Variants in HS3ST4 observed in about 807,000 individuals in gnomAD.
HS3ST4 encodes heparan sulfate-glucosamine 3-sulfotransferase 4, also known as heparan sulfate glucosamine 3-O-sulfotransferase 4.
A neutral mutation model predicts 29.2 loss-of-function variants in HS3ST4; 17 were observed. The observed-to-expected ratio is 0.58, with a 90% CI of 0.40 to 0.87. The LOEUF is 0.87. Among genes scored for constraint, HS3ST4 ranks in the 40% least tolerant of loss-of-function variants. The pLI, the probability that HS3ST4 is intolerant of heterozygous loss-of-function variation, is 0.00. For missense variants in HS3ST4, 627 were observed against 634.5 expected, an observed-to-expected ratio of 0.99 and a Z score of 0.13; for synonymous variants, 314 against 285.7, an observed-to-expected ratio of 1.10 and a Z score of -1.00.
intron 1 of HS3ST4, among the ~76,000 whole-genome samples, chr16:25,832,051 G>A (rs1293334127): frequency 1.3e-5 from 2 of 152,066 alleles, no homozygotes; most frequent in African/African-American, 4.8e-5. Context: ...AGGCTGCAGT[G>A]AACCATGATG....
At chr16:25,746,737 G>A (rs968599408) in intron 1 of HS3ST4, among the ~76,000 whole-genome samples, 2 of 151,766 alleles carry the variant, frequency 1.3e-5, no homozygotes, top group African/African-American at 2.4e-5. Context: ...ATCTTTAGTA[G>A]AGACGGGGTT....
intron 1 of HS3ST4, among the ~76,000 whole-genome samples, chr16:26,106,879 G>T (rs1167895522): frequency 6.6e-6 from 1 of 152,164 alleles, no homozygotes; most frequent in Non-Finnish European, 1.5e-5. Flanking sequence ...GTCATGCCCT[G>T]TGGGCAAGGG....
At chr16:25,752,542 A>G (rs1157505656) in intron 1 of HS3ST4, among the ~76,000 whole-genome samples, 2 of 152,248 alleles carry the variant, frequency 1.3e-5, no homozygotes, top group Non-Finnish European at 2.9e-5. Flanking sequence ...GCATTGCTGC[A>G]TTGCTGGCTT....
chr16:26,132,119 T>C (rs1899428664), intron 1 of HS3ST4, among the ~76,000 whole-genome samples: 1 of 152,178 alleles, frequency 6.6e-6, no homozygotes, highest in South Asian at 2.1e-4. Context: ...GGAGCTAGAC[T>C]GGTAGCTTAG....
chr16:26,125,948 A>C (rs1047671477), intron 1 of HS3ST4, among the ~76,000 whole-genome samples: 1 of 152,216 alleles, frequency 6.6e-6, no homozygotes, highest in Non-Finnish European at 1.5e-5. Context: ...GTATTTTGCT[A>C]GTTATCTTCT....
rs542274531 is a variant in HS3ST4 at position 25,911,496 on chromosome 16, G to GTT, written c.734+218372_734+218373dup. On this transcript the variant is annotated intron_variant, in intron 1 of 1. Coordinates refer to ENST00000331351, the MANE Select transcript of HS3ST4 (RefSeq NM_006040.3). Reference sequence around the variant, plus strand: ...GAGGGAGGTGGTGTTCCGTTGTGTGGTTTTTTTTTTTTTTTTTTTTTTTTT... The same window carrying GTT: ...GAGGGAGGTGGTGTTCCGTTGTGTGGTTTTTTTTTTTTTTTTTTTTTTTTTTT... Among the ~76,000 whole-genome samples the GTT allele has an allele frequency of 8.3e-4, 68 of 82,012 alleles. 3 individuals carry two copies. The highest frequency in any genetic ancestry group is 7.4e-3 in the Middle Eastern group (1 of 136). The allele number at this position is 82,012 out of a possible 152,430, so 53.8% of individuals were successfully genotyped here.
intron 1 of HS3ST4, among the ~76,000 whole-genome samples, chr16:25,828,968 A>G (rs1242355499): frequency 6.6e-6 from 1 of 152,196 alleles, no homozygotes; most frequent in Non-Finnish European, 1.5e-5. Context: ...GGGGTCTTCA[A>G]GGCAGCTTGG....
At chr16:25,901,522 T>G (rs891648135) in intron 1 of HS3ST4, among the ~76,000 whole-genome samples, 1 of 152,040 alleles carries the variant, frequency 6.6e-6, no homozygotes, top group Non-Finnish European at 1.5e-5. Context: ...AATGCAAAAA[T>G]TAGCCAGGCG....
At chr16:25,751,745 G>A (rs144590341) in intron 1 of HS3ST4, among the ~76,000 whole-genome samples, 14 of 152,198 alleles carry the variant, frequency 9.2e-5, no homozygotes, top group African/African-American at 3.4e-4. Flanking sequence ...AAATCTAATC[G>A]CCTTTCCTGT....
chr16:26,012,751 G>C (rs1282475829), intron 1 of HS3ST4, among the ~76,000 whole-genome samples: 1 of 152,140 alleles, frequency 6.6e-6, no homozygotes, highest in Admixed American at 6.5e-5. Context: ...AACTTGGCAG[G>C]TGTTTGATAA....
At chr16:25,865,795 T>C (rs1967687976) in intron 1 of HS3ST4, among the ~76,000 whole-genome samples, 3 of 152,222 alleles carry the variant, frequency 2.0e-5, no homozygotes, top group Admixed American at 1.3e-4. Context: ...ATCAAACCCT[T>C]AGCTGACACC....
chr16:25,718,346 A>G (rs1436363787), intron 1 of HS3ST4, among the ~76,000 whole-genome samples: 2 of 152,046 alleles, frequency 1.3e-5, no homozygotes, highest in African/African-American at 4.8e-5. Context: ...CCTTTTCATG[A>G]ATGTTTAAGG....
rs922018317 is a variant in HS3ST4, at chr16:25,692,455, C to T, written c.38C>T (p.Pro13Leu). ...RWPAPPPPPPPPPPLAAPPPP... is the reference protein window; with the variant it reads ...RWPAPPPPPPLPPPLAAPPPP... ...CCCGCACCTCCTCCGCCTCCGCCTC[C>T]GCCTCCACCTCTGGCCGCGCCGCCG... Residue 13 changes from proline to leucine, a missense_variant, in exon 1 of 2, where the codon CCG becomes CTG. Transcript: ENST00000331351. 6 of 1,300,326 alleles carry T rather than the reference C, an allele frequency of 4.6e-6. No individual in the cohort carries two copies. In the African/African-American group the frequency reaches 9.4e-5, roughly 20 times the overall value. 80.5% of individuals were successfully genotyped at this position (1,300,326 alleles called of 1,614,324 possible). A position where few individuals can be genotyped will look rare whatever the true frequency, so the allele number is the denominator to read the frequency against.
intron 1 of HS3ST4, among the ~76,000 whole-genome samples, chr16:26,006,653 C>G (rs1323613326): frequency 6.6e-6 from 1 of 152,016 alleles, no homozygotes; most frequent in Non-Finnish European, 1.5e-5. Flanking sequence ...ACTTGGTGCA[C>G]CATTGGTGGT....
At chr16:25,695,113 G>A (rs544107733) in intron 1 of HS3ST4, among the ~76,000 whole-genome samples, 1 of 152,278 alleles carries the variant, frequency 6.6e-6, no homozygotes, top group African/African-American at 2.4e-5. Flanking sequence ...CAGCGCTGTG[G>A]TATGCCCAGC....
chr16:26,094,915 G>A (rs8061525), intron 1 of HS3ST4, among the ~76,000 whole-genome samples: 81,881 of 151,568 alleles, frequency 0.54, 22,837 homozygotes, highest in African/African-American at 0.67. Flanking sequence ...AAGGGATGGA[G>A]GAAGATCTAC....
intron 1 of HS3ST4, among the ~76,000 whole-genome samples, chr16:25,912,390 T>TA (rs1244388858): frequency 6.6e-6 from 1 of 152,184 alleles, no homozygotes; most frequent in African/African-American, 2.4e-5. Context: ...GAAGACTTTT[T>TA]ACCCCATTTC....
At chr16:26,086,250 A>G (rs1319274566) in intron 1 of HS3ST4, among the ~76,000 whole-genome samples, 4 of 152,194 alleles carry the variant, frequency 2.6e-5, no homozygotes, top group African/African-American at 9.7e-5. Context: ...TAAATATGAG[A>G]ATATGTCACA....
intron 1 of HS3ST4, among the ~76,000 whole-genome samples, chr16:25,921,119 G>A (rs896986461): frequency 6.6e-6 from 1 of 152,156 alleles, no homozygotes; most frequent in African/African-American, 2.4e-5. Context: ...AGAGGTCTTT[G>A]TTTCTCTTGT....
Sources: gnomAD v4.1 joint callset for allele counts (sites outside exome capture counted in the v4.1 genomes callset) on GRCh38, gnomAD v4.1.1 for gene constraint, MANE v1.5 for transcripts, NCBI Gene and HGNC (gene_info 2026-07-23, HGNC 2026-07-21) for gene names.